FGF14: variants seen among roughly 807,000 people sequenced by gnomAD.
FGF14 encodes fibroblast growth factor 14, also known as fibroblast growth factor homologous factor 4.
Under a neutral mutation model 25.5 loss-of-function variants are expected in FGF14, and 5 were observed. The observed-to-expected ratio is 0.20, with a 90% CI of 0.10 to 0.41. FGF14 has a LOEUF of 0.41. FGF14 is among the 10% of genes least tolerant of loss of function. FGF14 has a pLI of 1.00. For synonymous variants in FGF14, 138 were observed against 118.3 expected, an observed-to-expected ratio of 1.17 and a Z score of -1.08; for missense variants, 222 against 320.1, an observed-to-expected ratio of 0.69 and a Z score of 2.34.
At chr13:101,828,773 T>C (rs2042529882) in intron 3 of FGF14, among the ~76,000 whole-genome samples, 1 of 152,142 alleles carries the variant, frequency 6.6e-6, no homozygotes, top group South Asian at 2.1e-4. Context: ...TATCTCTTGC[T>C]TTAAAAAAGA....
intron 1 of FGF14, among the ~76,000 whole-genome samples, chr13:102,110,684 C>T (rs569447712): frequency 2.6e-5 from 4 of 152,220 alleles, no homozygotes; most frequent in South Asian, 4.2e-4. Flanking sequence ...CTGTCATACA[C>T]GCCTGTTACG....
chr13:102,231,154 G>T (rs9513996), intron 1 of FGF14, among the ~76,000 whole-genome samples: 1 of 151,938 alleles, frequency 6.6e-6, no homozygotes, highest in African/African-American at 2.4e-5. Context: ...CTGTCTCTCA[G>T]ATACAAATTT....
intron 1 of FGF14, among the ~76,000 whole-genome samples, chr13:102,373,048 T>C (rs966907671): frequency 2.0e-5 from 3 of 152,162 alleles, no homozygotes; most frequent in African/African-American, 7.2e-5. Context: ...AGTGATGTTA[T>C]ATATTGACTT....
intron 1 of FGF14, among the ~76,000 whole-genome samples, chr13:102,118,227 A>G (rs972349394): frequency 3.9e-5 from 6 of 152,130 alleles, no homozygotes; most frequent in African/African-American, 1.2e-4. Context: ...TATACGATAA[A>G]TAATTTTGAC....
chr13:101,816,900 C>T (rs2041872838), intron 3 of FGF14, among the ~76,000 whole-genome samples: 1 of 152,152 alleles, frequency 6.6e-6, no homozygotes, highest in Admixed American at 6.5e-5. Flanking sequence ...TAATGTTAAG[C>T]ATACTTGTTA....
intron 1 of FGF14, among the ~76,000 whole-genome samples, chr13:101,901,496 G>A (rs2031544763): frequency 6.6e-6 from 1 of 152,148 alleles, no homozygotes; most frequent in Non-Finnish European, 1.5e-5. Context: ...CTGAGGTCAG[G>A]AGTTCAAGAC....
At chr13:101,735,670 G>GAAA (rs548510485) in intron 3 of FGF14, among the ~76,000 whole-genome samples, 1 of 127,894 alleles carries the variant, frequency 7.8e-6, no homozygotes. Flanking sequence ...ATCCCCATAG[G>GAAA]AAAAAAAAAA....
intron 1 of FGF14, among the ~76,000 whole-genome samples, chr13:102,131,106 G>A (rs2046177471): frequency 6.6e-6 from 1 of 152,104 alleles, no homozygotes; most frequent in Non-Finnish European, 1.5e-5. Flanking sequence ...TGTGTTTCTG[G>A]TGTCCCCTCA....
At chr13:101,777,678 A>T (rs911750967) in intron 3 of FGF14, among the ~76,000 whole-genome samples, 1 of 152,190 alleles carries the variant, frequency 6.6e-6, no homozygotes, top group Non-Finnish European at 1.5e-5. Flanking sequence ...CATTAATTTA[A>T]TCTCAAGGTT....
intron 1 of FGF14, among the ~76,000 whole-genome samples, chr13:102,141,450 C>T (rs1341972262): frequency 6.6e-6 from 1 of 152,152 alleles, no homozygotes; most frequent in Non-Finnish European, 1.5e-5. Context: ...TGAACGAATG[C>T]AGCAATTTAG....
intron 1 of FGF14, among the ~76,000 whole-genome samples, chr13:102,179,115 C>G (rs2140735948): frequency 6.6e-6 from 1 of 152,238 alleles, no homozygotes; most frequent in African/African-American, 2.4e-5. Flanking sequence ...AGCCACAGAC[C>G]AAACAGCAGA....
At chr13:102,247,695 G>T (rs1322534476) in intron 1 of FGF14, among the ~76,000 whole-genome samples, 3 of 152,092 alleles carry the variant, frequency 2.0e-5, no homozygotes, top group Non-Finnish European at 4.4e-5. Flanking sequence ...TCCTCAAAGA[G>T]CTAAGAACAG....
chr13:102,228,373 A>G (rs1190062078), intron 1 of FGF14, among the ~76,000 whole-genome samples: 3 of 152,196 alleles, frequency 2.0e-5, no homozygotes, highest in South Asian at 2.1e-4. Flanking sequence ...AAATCTCATT[A>G]TCTTCCTCTC....
Position 102,161,628 on chromosome 13 carries a change from G to GTC in FGF14, c.208+239842_208+239843insGA. 3.4e-3 allele frequency among the ~76,000 whole-genome samples: 21 copies of GTC among 6,244 alleles called. 3 individuals are homozygous for GTC. The highest frequency in any genetic ancestry group is 0.018 in the African/African-American group (18 of 1,020). 4.1% of individuals were successfully genotyped at this position (6,244 alleles called of 152,430 possible). ...AGAAGAAGAAGAAGAAGAAGAAGAAGAAGAAGAAGAAGAAGAAGAAGAAGA... is the reference window on the plus strand; with the variant it reads ...AGAAGAAGAAGAAGAAGAAGAAGAAGTCAAGAAGAAGAAGAAGAAGAAGAAGA... On this transcript the variant is annotated intron_variant, in intron 1 of 4. Transcript: ENST00000376131.
chr13:101,958,020 T>C (rs961152787), intron 1 of FGF14, among the ~76,000 whole-genome samples: 24 of 152,160 alleles, frequency 1.6e-4, no homozygotes, highest in South Asian at 2.1e-4. Flanking sequence ...TATAATAAAA[T>C]GTACTATAAA....
At chr13:101,826,546 T>C (rs1202120825) in intron 3 of FGF14, among the ~76,000 whole-genome samples, 1 of 152,042 alleles carries the variant, frequency 6.6e-6, no homozygotes, top group Non-Finnish European at 1.5e-5. Flanking sequence ...TTCGTAAAAA[T>C]GTAGTATGTG....
At chr13:101,855,082 T>C (rs1054391264) in intron 3 of FGF14, among the ~76,000 whole-genome samples, 1 of 151,948 alleles carries the variant, frequency 6.6e-6, no homozygotes, top group Admixed American at 6.6e-5. Context: ...TTTAAGAAAC[T>C]CATTTTACTT....
intron 1 of FGF14, among the ~76,000 whole-genome samples, chr13:102,270,570 C>A (rs117249561): frequency 1.3e-5 from 2 of 152,106 alleles, no homozygotes; most frequent in Non-Finnish European, 2.9e-5. Context: ...ATATTGTCAA[C>A]CTGCTTGCCA....
intron 1 of FGF14, among the ~76,000 whole-genome samples, chr13:102,149,223 A>C (rs2046978657): frequency 6.6e-6 from 1 of 151,936 alleles, no homozygotes; most frequent in African/African-American, 2.4e-5. Context: ...TATTAAAATA[A>C]TTATAAATAA....
Sources: gnomAD v4.1 joint callset for allele counts (sites outside exome capture counted in the v4.1 genomes callset) on GRCh38, gnomAD v4.1.1 for gene constraint, MANE v1.5 for transcripts, NCBI Gene and HGNC (gene_info 2026-07-23, HGNC 2026-07-21) for gene names.